The following IRS1 variants were observed in gnomAD, a reference collection of about 807,000 sequenced individuals.
IRS1 encodes insulin receptor substrate 1.
A neutral mutation model predicts 65.6 loss-of-function variants in IRS1; 34 were observed. The ratio of observed to expected loss-of-function variants is 0.52; its 90% CI spans 0.39 to 0.69. The LOEUF (loss-of-function observed/expected upper bound fraction) is 0.69. IRS1 is among the 30% of genes least tolerant of loss of function. The pLI is 0.00. For missense variants in IRS1, 1,641 were observed against 1,720.2 expected (o/e 0.95, Z 0.81); for synonymous variants, 699 against 683.5 (o/e 1.02, Z -0.35).
Position 226,794,850 on chromosome 2 carries a change from T to A in IRS1, c.*21+139A>T. 1.3e-6 allele frequency: 1 copy of A among 793,036 alleles called. No homozygotes were observed. Among genetic ancestry groups the A allele is most frequent in the East Asian group, 2.4e-5 (1 of 40,920 alleles). 49.1% of individuals were successfully genotyped at this position (793,036 alleles called of 1,614,324 possible). A position where few individuals can be genotyped will look rare whatever the true frequency, so the allele number is the denominator to read the frequency against. ...CAGATGTCAGTGTGGGGTGAGCATC[T>A]TGTGTGCCCTGAGAATGTAAGTGCA... On this transcript the variant is annotated intron_variant, in intron 1 of 1. Transcript: ENST00000305123. This position sits in a 1 kb window ranked among gnomAD's most constrained non-coding sequence, Gnocchi z 4.1.
In IRS1 at chr2:226,797,226, C is replaced by T; in HGVS notation, c.1513G>A (p.Ala505Thr). 6.2e-7 allele frequency: 1 copy of T among 1,613,602 alleles called. No individual in the cohort carries two copies. The highest frequency in any genetic ancestry group is 8.5e-7 in the Non-Finnish European group (1 of 1,179,988). ...TPGTGLGTSPALAGDEAASAA... is the reference protein window; with the variant it reads ...TPGTGLGTSPTLAGDEAASAA... Reference sequence around the variant, plus strand: ...CTGGCTGCTTCATCCCCAGCCAAGGCTGGACTCGTGCCCAAGCCTGTTCCT... The same window carrying T: ...CTGGCTGCTTCATCCCCAGCCAAGGTTGGACTCGTGCCCAAGCCTGTTCCT... Residue 505 changes from alanine to threonine, a missense_variant, in exon 1 of 2, where the codon GCC becomes ACC. This residue lies in a region of IRS1 where 1,324 missense variants were observed against 1,361.0 expected (regional missense o/e 0.97). Coordinates refer to ENST00000305123, the MANE Select transcript of IRS1 (RefSeq NM_005544.3). This position sits in a 1 kb window ranked among gnomAD's most constrained non-coding sequence, Gnocchi z 8.1.
In IRS1 at chr2:226,795,600, G is replaced by A; in HGVS notation, c.3139C>T (p.Pro1047Ser). Residue 1047 changes from proline to serine, a missense_variant, in exon 1 of 2, where the codon CCT (proline) becomes TCT (serine). By Grantham distance (74) the Pro-to-Ser change is moderately conservative. Around this residue, in one of 3 missense-constraint regions of IRS1, gnomAD observed 1,324 missense variants for 1,361.0 expected, o/e 0.97. Transcript: ENST00000305123. Reference protein sequence around the residue: ...SSAASASPTGPQGAAELAAHS... With the variant: ...SSAASASPTGSQGAAELAAHS... Reference sequence around the variant, plus strand: ...GCAGCCAGCTCTGCTGCCCCTTGAGGCCCAGTCGGGGAAGCAGAGGCTGCT... The same window carrying A: ...GCAGCCAGCTCTGCTGCCCCTTGAGACCCAGTCGGGGAAGCAGAGGCTGCT... 1 of 1,612,574 alleles carries A rather than the reference G, an allele frequency of 6.2e-7. No individual in the cohort carries two copies.
At chr2:226,777,032 G>C (rs1434636082) in intron 1 of IRS1, among the ~76,000 whole-genome samples, 2 of 152,100 alleles carry the variant, frequency 1.3e-5, no homozygotes. Flanking sequence ...CTGGGAAACT[G>C]ATACAGCCTA....
At chr2:226,769,833 C>T (rs1939130216) in intron 1 of IRS1, among the ~76,000 whole-genome samples, 1 of 152,138 alleles carries the variant, frequency 6.6e-6, no homozygotes, top group Admixed American at 6.5e-5. Context: ...ATTCACTGAT[C>T]ACAAGTATAC....
intron 1 of IRS1, among the ~76,000 whole-genome samples, chr2:226,740,846 G>A (rs746160652): frequency 9.9e-5 from 15 of 152,108 alleles, no homozygotes; most frequent in African/African-American, 2.9e-4. Flanking sequence ...AAAAATGACC[G>A]TAGTGATGAC....
chr2:226,757,692 T>C (rs1938833200), intron 1 of IRS1, among the ~76,000 whole-genome samples: 2 of 152,224 alleles, frequency 1.3e-5, no homozygotes, highest in Admixed American at 6.5e-5. Flanking sequence ...TCTGAAAATA[T>C]GTAGTTTTCA....
intron 1 of IRS1, among the ~76,000 whole-genome samples, chr2:226,763,666 T>A (rs1938966590): frequency 6.6e-6 from 1 of 152,234 alleles, no homozygotes; most frequent in Non-Finnish European, 1.5e-5. Context: ...CTACGTATTC[T>A]GGCCTTTCTC....
rs1383232740 is a variant in IRS1, at chr2:226,736,058, T to C, written c.*214A>G. 1 of 152,568 alleles carries C rather than the reference T, an allele frequency of 6.6e-6. No homozygotes were observed. Among genetic ancestry groups the C allele is most frequent in the African/African-American group, 2.4e-5 (1 of 41,424 alleles). The allele number at this position is 152,568 out of a possible 1,614,324, so 9.5% of individuals were successfully genotyped here. On this transcript the variant is annotated 3_prime_UTR_variant, in exon 2 of 2. Transcript: ENST00000305123. ...TCACAGTGCATTTTTTTTTTTCGCTTGGCACAATATAGAACGTGCAGTTCA... is the reference window on the plus strand; with the variant it reads ...TCACAGTGCATTTTTTTTTTTCGCTCGGCACAATATAGAACGTGCAGTTCA...
Position 226,799,166 on chromosome 2 carries a change from C to A in IRS1, c.-428G>T. 1 of 1,110,412 alleles carries A rather than the reference C, an allele frequency of 9.0e-7. No homozygotes were observed. The highest frequency in any genetic ancestry group is 1.1e-6 in the Non-Finnish European group (1 of 896,822). 68.8% of individuals were successfully genotyped at this position (1,110,412 alleles called of 1,614,324 possible). A position where few individuals can be genotyped will look rare whatever the true frequency, so the allele number is the denominator to read the frequency against. ...CGCGCGCGCGCGCGCGCCTTCCCTC[C>A]TGAGTTCCCCTCTGGAAGCAGCGAT... is the stretch of plus-strand genomic sequence containing the variant. On this transcript the variant is annotated 5_prime_UTR_variant, in exon 1 of 2. In the 5' UTR this introduces an upstream ATG that the reference lacks. Coordinates refer to ENST00000305123, the MANE Select transcript of IRS1 (RefSeq NM_005544.3). The surrounding 1 kb of genome is among the most constrained non-coding windows in gnomAD (Gnocchi z 6.1).
intron 1 of IRS1, among the ~76,000 whole-genome samples, chr2:226,789,550 T>C (rs1005157628): frequency 6.6e-6 from 1 of 152,186 alleles, no homozygotes; most frequent in Non-Finnish European, 1.5e-5. Flanking sequence ...TCCTTACCAT[T>C]CACTTAAATG....
chr2:226,744,617 T>C (rs1310047112), intron 1 of IRS1, among the ~76,000 whole-genome samples: 1 of 152,208 alleles, frequency 6.6e-6, no homozygotes, highest in African/African-American at 2.4e-5. Context: ...AGCAGCGGCA[T>C]TAGATTCTCA....
rs569894327 is a variant in IRS1 at position 226,767,438 on chromosome 2, T to A, written c.*21+27551A>T. Among the ~76,000 whole-genome samples, 77 of 152,340 alleles carry A rather than the reference T, an allele frequency of 5.1e-4. 2 individuals carry two copies. The South Asian group carries it at 0.014, about 29-fold the overall frequency. ...GGATAAATTCTTGATAGCTGGAATG[T>A]TTGGTGGAGGCTTAAAATGAGCACC... On this transcript the variant is annotated intron_variant, in intron 1 of 1. Coordinates refer to ENST00000305123, the MANE Select transcript of IRS1 (RefSeq NM_005544.3).
At chr2:226,760,425 C>T (rs1938894049) in intron 1 of IRS1, among the ~76,000 whole-genome samples, 1 of 152,168 alleles carries the variant, frequency 6.6e-6, no homozygotes. Context: ...TATAAAATGT[C>T]AATACAAGAG....
chr2:226,760,034 T>C (rs1938884228), intron 1 of IRS1, among the ~76,000 whole-genome samples: 2 of 152,162 alleles, frequency 1.3e-5, no homozygotes, highest in South Asian at 2.1e-4. Flanking sequence ...AAAACAGCCA[T>C]GTGTGGTGGC....
chr2:226,750,249 CA>C (rs75785691), intron 1 of IRS1, among the ~76,000 whole-genome samples: 10,070 of 59,988 alleles, frequency 0.17, 362 homozygotes, highest in African/African-American at 0.27. Context: ...AACTCTGTCT[CA>C]AAAAAAAAAA....
intron 1 of IRS1, among the ~76,000 whole-genome samples, chr2:226,763,201 G>A (rs913702557): frequency 1.3e-5 from 2 of 152,080 alleles, no homozygotes; most frequent in Non-Finnish European, 2.9e-5. Flanking sequence ...ACTGCTGGAG[G>A]GGCATCTTAG....
intron 1 of IRS1, among the ~76,000 whole-genome samples, chr2:226,765,416 G>GTA (rs1285159116): frequency 2.6e-5 from 4 of 152,172 alleles, no homozygotes; most frequent in African/African-American, 7.2e-5. Flanking sequence ...TCTTTGAAGG[G>GTA]TACTCTGTGC....
At chr2:226,784,107 C>T (rs1939439869) in intron 1 of IRS1, among the ~76,000 whole-genome samples, 3 of 152,000 alleles carry the variant, frequency 2.0e-5, no homozygotes, top group Admixed American at 2.0e-4. Context: ...CTGAACTCAA[C>T]CTAAATTACC....
chr2:226,797,585 G>A lies in IRS1; in HGVS notation c.1154C>T (p.Ser385Leu), dbSNP rs1289819083. The change falls in exon 1 of 2, where the codon TCG becomes TTG. Residue 385 changes from serine (S) to leucine (L), a missense_variant. By Grantham distance (145) the Ser-to-Leu change is moderately radical (BLOSUM62 -2). This residue lies in a region of IRS1 where 1,324 missense variants were observed against 1,361.0 expected (regional missense o/e 0.97). Transcript: ENST00000305123. The surrounding 1 kb of genome is among the most constrained non-coding windows in gnomAD (Gnocchi z 8.1). ...CGACAGACTGACCGGGCTGGTGGCCGAAGGCGAGCAGCGGGAAGCCGGCAT... is the reference window on the plus strand; with the variant it reads ...CGACAGACTGACCGGGCTGGTGGCCAAAGGCGAGCAGCGGGAAGCCGGCAT... ...IPMPASRCSP[S>L]ATSPVSLSSS... is the part of the protein sequence containing the mutation. 2.5e-6 allele frequency: 4 copies of A among 1,592,446 alleles called. No individual in the cohort carries two copies. The highest frequency in any genetic ancestry group is 3.4e-6 in the Non-Finnish European group (4 of 1,171,528).
Sources: gnomAD v4.1 joint callset for allele counts (sites outside exome capture counted in the v4.1 genomes callset) on GRCh38, gnomAD v4.1.1 for gene constraint, gnomAD v4.1.1 regional missense constraint, Gnocchi (gnomAD v3.1) non-coding constraint, MANE v1.5 for transcripts, NCBI Gene and HGNC (gene_info 2026-07-23, HGNC 2026-07-21) for gene names.